The following SECISBP2L variants were observed in gnomAD, a reference collection of about 807,000 sequenced individuals.
The protein encoded by SECISBP2L is SECIS binding protein 2 like.
SECISBP2L carries 43 observed loss-of-function variants against 114.7 expected under a neutral mutation model. The observed-to-expected ratio is 0.38, with a 90% confidence interval of 0.29 to 0.48. The LOEUF is 0.48. SECISBP2L is among the 20% of genes least tolerant of loss of function. The probability of loss-of-function intolerance (pLI) is 0.98; values close to 1 mark genes in which losing one functional copy is unlikely to be tolerated. For synonymous variants in SECISBP2L, 451 were observed against 439.7 expected (o/e 1.03, Z -0.32); for missense variants, 1,136 against 1,301.1 (o/e 0.87, Z 1.95).
rs576869331 is a variant in SECISBP2L at position 49,008,238 on chromosome 15, A to T, written c.2027+978T>A. On this transcript the variant is annotated intron_variant, in intron 14 of 17. Transcript: ENST00000559471. Reference sequence around the variant, plus strand: ...TGTGCCTGTTCTTCTTTAGTGCAAAAAAGTTTGCAGGGGAATTTTTTGTAT... The same window carrying T: ...TGTGCCTGTTCTTCTTTAGTGCAAATAAGTTTGCAGGGGAATTTTTTGTAT... Among the ~76,000 whole-genome samples the T allele has an allele frequency of 2.0e-3, 299 of 152,290 alleles. 1 individual carries two copies. The highest frequency in any genetic ancestry group is 0.017 in the South Asian group (81 of 4,828).
chr15:49,016,962 A>G lies in SECISBP2L; in HGVS notation c.1305T>C (p.Pro435=), dbSNP rs1455690052. 2 of 1,614,060 alleles carry G rather than the reference A, an allele frequency of 1.2e-6. No individual in the cohort carries two copies. Among genetic ancestry groups the G allele is most frequent in the African/African-American group, 1.3e-5 (1 of 75,050 alleles). Residue 435 remains proline, a synonymous_variant, in exon 10 of 18, where the codon CCT becomes CCC. Transcript: ENST00000559471. The stretch of plus-strand genomic sequence containing the variant: ...CACGTTTGGGAACTGAGGTGGTAAT[A>G]GGAATTGGAGTCTGAACTATATTGA... The part of the protein sequence containing the change: ...SPINIVQTPI[P]ITTSVPKRAK...
At position 48,993,623 on chromosome 15, in the gene SECISBP2L, G is replaced by A. The variant is rs535965441; in HGVS notation, c.2624-697C>T. On this transcript the variant is annotated intron_variant, in intron 17 of 17. Transcript: ENST00000559471. ...TCTTTTGGCCTGTAATGGGACATGT[G>A]TTTCCAATTATAAGCAAAGAATCCA... 3.9e-5 allele frequency among the ~76,000 whole-genome samples: 6 copies of A among 152,056 alleles called. No individual in the cohort carries two copies. The South Asian group carries it at 1.2e-3, about 32-fold the overall frequency.
At chr15:49,035,885 T>C (rs1902995984) in intron 2 of SECISBP2L, among the ~76,000 whole-genome samples, 1 of 152,158 alleles carries the variant, frequency 6.6e-6, no homozygotes, top group African/African-American at 2.4e-5. Flanking sequence ...CCCAACCTGA[T>C]GGTTTTACAG....
intron 11 of SECISBP2L, 165 bp from the exon 12 acceptor site, chr15:49,012,982 T>C: frequency 3.1e-6 from 2 of 643,328 alleles, no homozygotes; most frequent in Non-Finnish European, 5.2e-6. Flanking sequence ...AGATACAGCT[T>C]TTACCTATCC....
chr15:49,007,262 G>A (rs184073623), intron 14 of SECISBP2L, among the ~76,000 whole-genome samples: 1 of 152,342 alleles, frequency 6.6e-6, no homozygotes, highest in African/African-American at 2.4e-5. Flanking sequence ...CTATTCAGGA[G>A]GCACAGGGGT....
chr15:49,003,040 C>T (rs534783525), intron 14 of SECISBP2L, among the ~76,000 whole-genome samples: 1 of 152,120 alleles, frequency 6.6e-6, no homozygotes, highest in Non-Finnish European at 1.5e-5. Flanking sequence ...TTACTTTGGG[C>T]AGTATGGCCA....
rs892075485 is a variant in SECISBP2L, at chr15:48,990,909, A to T, written c.*1335T>A. ...GTTGGATGGAAGACAAAAAAATTAC[A>T]TAGTTTGTCATTCTTCCACCATTAC... On this transcript the variant is annotated 3_prime_UTR_variant, in exon 18 of 18. Transcript: ENST00000559471. The T allele has an allele frequency of 1.4e-5, 2 of 146,314 alleles. No individual in the cohort carries two copies. Among genetic ancestry groups the T allele is most frequent in the Non-Finnish European group, 2.9e-5 (2 of 68,016 alleles). 9.1% of individuals were successfully genotyped at this position (146,314 alleles called of 1,614,324 possible).
chr15:48,997,901 T>C (rs148827497), intron 16 of SECISBP2L, among the ~76,000 whole-genome samples: 89 of 152,164 alleles, frequency 5.8e-4, no homozygotes, highest in African/African-American at 2.0e-3. Flanking sequence ...AAAATACATA[T>C]AGCATTAAAG....
chr15:49,017,082 C>T, intron 9 of SECISBP2L, 67 bp from the exon 10 acceptor site: 1 of 1,513,910 alleles, frequency 6.6e-7, no homozygotes, highest in Non-Finnish European at 9.0e-7. Context: ...GAAAAAGGAT[C>T]CAGAATGTGG....
intron 7 of SECISBP2L, among the ~76,000 whole-genome samples, chr15:49,024,096 A>G (rs949509500): frequency 1.3e-5 from 2 of 152,048 alleles, no homozygotes; most frequent in Non-Finnish European, 2.9e-5. Context: ...TATATTACCC[A>G]ATGTTAAAAC....
intron 13 of SECISBP2L, among the ~76,000 whole-genome samples, chr15:49,010,749 T>G (rs1312724416): frequency 1.3e-5 from 2 of 152,200 alleles, no homozygotes; most frequent in African/African-American, 2.4e-5. Flanking sequence ...TGAGCTCAAG[T>G]GATCTGCCCA....
chr15:49,032,735 G>GA (rs1034189341), intron 4 of SECISBP2L, among the ~76,000 whole-genome samples: 2 of 152,098 alleles, frequency 1.3e-5, no homozygotes, highest in African/African-American at 4.8e-5. Flanking sequence ...ATTACAAAAG[G>GA]AAAGGACATC....
rs1902984753 is a variant in SECISBP2L at position 49,035,423 on chromosome 15, A to T, written c.439T>A (p.Cys147Ser). ...ANTVNAITTECTERPSQLGQV... is the reference protein window; with the variant it reads ...ANTVNAITTESTERPSQLGQV... ...CCAAGCTGACTTGGACGCTCAGTGC[A>T]TTCTGTGGTGATAGCATTTACAGTA... The change falls in exon 3 of 18, where the codon TGC becomes AGC. Residue 147 changes from cysteine to serine, a missense_variant. Around this residue, in one of 2 missense-constraint regions of SECISBP2L, gnomAD observed 452 missense variants for 452.3 expected, o/e 1.00. Coordinates refer to ENST00000559471, the MANE Select transcript of SECISBP2L (RefSeq NM_001193489.2). 6.2e-7 allele frequency: 1 copy of T among 1,614,070 alleles called. No individual in the cohort carries two copies. The highest frequency in any genetic ancestry group is 1.1e-5 in the South Asian group (1 of 91,094).
At position 49,017,021 on chromosome 15, in the gene SECISBP2L, A is replaced by C; in HGVS notation, c.1252-6T>G. On this transcript the variant is annotated splice_polypyrimidine_tract_variant and splice_region_variant and intron_variant, in intron 9 of 17. Coordinates refer to ENST00000559471, the MANE Select transcript of SECISBP2L (RefSeq NM_001193489.2). The stretch of plus-strand genomic sequence containing the variant: ...TTTTCAGGTAAATCATCCAACTATG[A>C]TAACCAGAAAAAACACATTTGTTAG... 6.2e-7 allele frequency: 1 copy of C among 1,608,740 alleles called. No homozygotes were observed. The highest frequency in any genetic ancestry group is 8.5e-7 in the Non-Finnish European group (1 of 1,178,316).
At chr15:48,995,292 A>G (rs1258332564) in intron 17 of SECISBP2L, among the ~76,000 whole-genome samples, 2 of 152,028 alleles carry the variant, frequency 1.3e-5, no homozygotes, top group Non-Finnish European at 2.9e-5. Flanking sequence ...TTAATTTTCA[A>G]CTAGTATCAC....
At position 49,019,453 on chromosome 15, in the gene SECISBP2L, T is replaced by C. The variant is rs1902599100; in HGVS notation, c.1135A>G (p.Arg379Gly). 2.7e-6 allele frequency: 4 copies of C among 1,489,764 alleles called. No homozygotes were observed. The highest frequency in any genetic ancestry group is 1.3e-5 in the South Asian group (1 of 75,736). The allele number at this position is 1,489,764 out of a possible 1,614,324, so 92.3% of individuals were successfully genotyped here. Reference protein sequence around the residue: ...NKHLSSSQSHRSDPNSESLYF... With the variant: ...NKHLSSSQSHGSDPNSESLYF... ...AAAGACTCAGAATTTGGATCGCTTC[T>C]ATGGGATTGACTAGAGCTTAAATGC... The change falls in exon 8 of 18, where the codon AGA becomes GGA. Residue 379 changes from arginine (R) to glycine (G), a missense_variant. Physicochemically the swap from Arg to Gly is moderately radical, Grantham distance 125 (BLOSUM62 -2). Around this residue, in one of 2 missense-constraint regions of SECISBP2L, gnomAD observed 452 missense variants for 452.3 expected, o/e 1.00. Coordinates refer to ENST00000559471, the MANE Select transcript of SECISBP2L (RefSeq NM_001193489.2).
At chr15:49,009,753 G>T (rs1902399568) in intron 13 of SECISBP2L, among the ~76,000 whole-genome samples, 4 of 151,818 alleles carry the variant, frequency 2.6e-5, no homozygotes. Context: ...GTTAAGCATA[G>T]CCCAGAAGTC....
chr15:49,037,886 A>G, intron 1 of SECISBP2L, 117 bp from the exon 2 acceptor site: 2 of 679,842 alleles, frequency 2.9e-6, no homozygotes, highest in Non-Finnish European at 4.4e-6. Context: ...TCTTCTCAGC[A>G]TTCATAAAAC....
At position 49,028,606 on chromosome 15, in the gene SECISBP2L, T is replaced by C. The variant is rs200418809; in HGVS notation, c.741A>G (p.Arg247=). ...CAGCAGTAGGGTGGGATGCTCTTCT[T>C]CTCCTGCCCTTGGACTTCCAGAGCA... ...ATMLWKSKGR[R]RRASHPTAES... is the part of the protein sequence containing the mutation. The change falls in exon 5 of 18, where the codon AGA becomes AGG. Residue 247 remains arginine, a synonymous_variant. Transcript: ENST00000559471. 48 of 1,614,090 alleles carry C rather than the reference T, an allele frequency of 3.0e-5. No homozygotes were observed. The Middle Eastern group carries it at 8.2e-4, about 28-fold the overall frequency.
Sources: gnomAD v4.1 joint callset for allele counts (sites outside exome capture counted in the v4.1 genomes callset) on GRCh38, gnomAD v4.1.1 for gene constraint, gnomAD v4.1.1 regional missense constraint, MANE v1.5 for transcripts, NCBI Gene and HGNC (gene_info 2026-07-23, HGNC 2026-07-21) for gene names.